Variants in NRXN1 observed in about 807,000 individuals in gnomAD.
NRXN1 encodes the protein neurexin 1.
Under a neutral mutation model 150.9 loss-of-function variants are expected in NRXN1, and 39 were observed. The ratio of observed to expected loss-of-function variants is 0.26; its 90% CI spans 0.20 to 0.34. The LOEUF (loss-of-function observed/expected upper bound fraction) is 0.34. Among genes scored for constraint, NRXN1 ranks in the 10% least tolerant of loss-of-function variants. The pLI, the probability that NRXN1 is intolerant of heterozygous loss-of-function variation, is 1.00. For missense variants in NRXN1, 1,815 were observed against 1,949.9 expected (o/e 0.93, Z 1.30); for synonymous variants, 924 against 757.0 (o/e 1.22, Z -3.62).
rs1398012356 is a variant in NRXN1, at chr2:50,629,215, C to A, written c.833-5600G>T. Among the ~76,000 whole-genome samples, 4 of 151,662 alleles carry A rather than the reference C, an allele frequency of 2.6e-5. No homozygotes were observed. In the East Asian group the frequency reaches 7.7e-4, roughly 29 times the overall value. On this transcript the variant is annotated intron_variant, in intron 5 of 22. Coordinates refer to ENST00000401669, the MANE Select transcript of NRXN1 (RefSeq NM_001330078.2). ...ATAAATTATCTAAAACTTAACACTA[C>A]TGAAATAACAACCAATAATAGAATG... is the stretch of plus-strand genomic sequence containing the variant.
intron 18 of NRXN1, among the ~76,000 whole-genome samples, chr2:50,115,634 C>G (rs1702957186): frequency 6.6e-6 from 1 of 151,894 alleles, no homozygotes; most frequent in Non-Finnish European, 1.5e-5. Context: ...TCCTATACTT[C>G]CAGTCTTGGG....
intron 2 of NRXN1, among the ~76,000 whole-genome samples, chr2:50,990,659 T>G (rs1698409549): frequency 6.6e-6 from 1 of 152,012 alleles, no homozygotes; most frequent in Admixed American, 6.6e-5. Context: ...CAGTTTGGGT[T>G]TGGGCCTACA....
chr2:50,235,356 A>G (rs145899267), intron 18 of NRXN1, among the ~76,000 whole-genome samples: 2 of 152,156 alleles, frequency 1.3e-5, no homozygotes, highest in Admixed American at 1.3e-4. Flanking sequence ...ACCTGAAATT[A>G]CTTTTCCAGA....
intron 17 of NRXN1, among the ~76,000 whole-genome samples, chr2:50,441,933 C>A (rs1443366613): frequency 6.6e-6 from 1 of 152,098 alleles, no homozygotes; most frequent in Non-Finnish European, 1.5e-5. Flanking sequence ...ATATGATAAA[C>A]CATCAGCTCT....
At chr2:49,927,867 T>C (rs1454885970) in intron 22 of NRXN1, among the ~76,000 whole-genome samples, 4 of 152,090 alleles carry the variant, frequency 2.6e-5, no homozygotes, top group Admixed American at 6.6e-5. Flanking sequence ...ACTGTAATCT[T>C]ATATATATAT....
At chr2:50,745,516 T>G (rs530035666) in intron 5 of NRXN1, among the ~76,000 whole-genome samples, 2 of 151,758 alleles carry the variant, frequency 1.3e-5, no homozygotes, top group Non-Finnish European at 2.9e-5. Flanking sequence ...ATTCACCATA[T>G]GGTTAATAGA....
At chr2:49,983,582 G>C (rs996812296) in intron 21 of NRXN1, among the ~76,000 whole-genome samples, 2 of 152,048 alleles carry the variant, frequency 1.3e-5, no homozygotes, top group Non-Finnish European at 2.9e-5. Flanking sequence ...CTGTGAGTCA[G>C]ATCTTTGAGT....
At chr2:50,396,971 A>AG (rs2082090937) in intron 17 of NRXN1, among the ~76,000 whole-genome samples, 1 of 152,118 alleles carries the variant, frequency 6.6e-6, no homozygotes, top group South Asian at 2.1e-4. Context: ...AGAGAGGAGA[A>AG]GGGAAGAAGA....
At chr2:49,986,013 T>A in intron 21 of NRXN1, among the ~76,000 whole-genome samples, 1 of 152,206 alleles carries the variant, frequency 6.6e-6, no homozygotes, top group East Asian at 1.9e-4. Context: ...AAGAAAATGC[T>A]TTATACTCTG....
chr2:50,844,481 C>T (rs1673344723), intron 5 of NRXN1, among the ~76,000 whole-genome samples: 1 of 152,134 alleles, frequency 6.6e-6, no homozygotes. Flanking sequence ...TGAAAATGGA[C>T]CATTGAAATT....
chr2:50,395,555 C>A (rs1306748662), intron 17 of NRXN1, among the ~76,000 whole-genome samples: 2 of 152,018 alleles, frequency 1.3e-5, no homozygotes, highest in Non-Finnish European at 2.9e-5. Context: ...AGTCTGATTT[C>A]ATCCACTTCA....
In NRXN1 at chr2:50,866,945, G is replaced by T. The variant is rs140226610; in HGVS notation, c.832+54924C>A. On this transcript the variant is annotated intron_variant, in intron 5 of 22. Transcript: ENST00000401669. ...AACTGACAATGTAGTCGAGAACAGG[G>T]TCTGTTTCCATAATACTCTCTTAAG... Among the ~76,000 whole-genome samples the T allele has an allele frequency of 2.2e-3, 330 of 151,974 alleles. 3 individuals are homozygous for T. The highest frequency in any genetic ancestry group is 7.6e-3 in the African/African-American group (316 of 41,510).
intron 2 of NRXN1, among the ~76,000 whole-genome samples, chr2:50,951,963 A>ATTTTTTTTTT (rs1295565122): frequency 9.4e-5 from 7 of 74,822 alleles, no homozygotes; most frequent in African/African-American, 1.7e-4. Flanking sequence ...ATATATATAT[A>ATTTTTTTTTT]TTTTTTTTTT....
intron 2 of NRXN1, among the ~76,000 whole-genome samples, chr2:51,014,373 G>T (rs1668349194): frequency 6.6e-6 from 1 of 151,976 alleles, no homozygotes; most frequent in South Asian, 2.1e-4. Context: ...AATTGAAGAG[G>T]ATGCTAACCA....
At chr2:50,404,900 A>C (rs2082649199) in intron 17 of NRXN1, among the ~76,000 whole-genome samples, 1 of 152,086 alleles carries the variant, frequency 6.6e-6, no homozygotes, top group Non-Finnish European at 1.5e-5. Context: ...TTCATTGAAC[A>C]GAGTTCAAAA....
intron 8 of NRXN1, among the ~76,000 whole-genome samples, chr2:50,595,423 G>GAAA (rs112426586): frequency 7.1e-6 from 1 of 139,994 alleles, no homozygotes; most frequent in Non-Finnish European, 1.6e-5. Context: ...GTAAAAAAAG[G>GAAA]AAAAAAAAAA....
chr2:50,574,733 C>A (rs1373252516), intron 8 of NRXN1, among the ~76,000 whole-genome samples: 4 of 152,160 alleles, frequency 2.6e-5, no homozygotes, highest in Admixed American at 2.6e-4. Flanking sequence ...ATTGACAACA[C>A]CATACGGTAG....
intron 5 of NRXN1, among the ~76,000 whole-genome samples, chr2:50,707,243 T>A (rs2105011603): frequency 6.6e-6 from 1 of 152,310 alleles, no homozygotes; most frequent in South Asian, 2.1e-4. Context: ...CCTGTGGATT[T>A]TCACAGCTGT....
At chr2:50,317,603 C>T (rs780872310) in intron 17 of NRXN1, among the ~76,000 whole-genome samples, 14 of 151,708 alleles carry the variant, frequency 9.2e-5, no homozygotes, top group Non-Finnish European at 1.6e-4. Flanking sequence ...AAGACCTTCA[C>T]GAATGAAACA....
Sources: allele counts gnomAD v4.1 joint callset (sites outside exome capture counted in the v4.1 genomes callset), GRCh38; gene constraint gnomAD v4.1.1; transcripts MANE v1.5; gene names NCBI Gene and HGNC (gene_info 2026-07-23, HGNC 2026-07-21).